MTHFD2L: variants seen among roughly 807,000 people sequenced by gnomAD.
MTHFD2L encodes bifunctional methylenetetrahydrofolate dehydrogenase/cyclohydrolase 2, mitochondrial.
In MTHFD2L, 29 loss-of-function variants were observed where a neutral mutation model predicts 34.9. The observed-to-expected ratio is 0.83, with a 90% CI of 0.62 to 1.13. The LOEUF (loss-of-function observed/expected upper bound fraction) is 1.13. Ranked by LOEUF, MTHFD2L falls within the 50% of genes most tolerant of loss-of-function variation. The pLI is 0.00. For synonymous variants in MTHFD2L, 167 were observed against 155.7 expected, an observed-to-expected ratio of 1.07 and a Z score of -0.54; for missense variants, 481 against 446.5, an observed-to-expected ratio of 1.08 and a Z score of -0.70.
chr4:74,174,396 T>A, intron 1 of MTHFD2L, 110 bp from the exon 2 acceptor site: 4 of 822,366 alleles, frequency 4.9e-6, no homozygotes. Context: ...AAAAATCAAA[T>A]TTTGGGTGCT....
At chr4:74,181,973 A>G (rs2109986273) in intron 3 of MTHFD2L, among the ~76,000 whole-genome samples, 2 of 152,318 alleles carry the variant, frequency 1.3e-5, no homozygotes, top group South Asian at 4.1e-4. Context: ...ATGAGAAATT[A>G]TCAAATTTAT....
In MTHFD2L at chr4:74,197,181, G is replaced by A. The variant is rs1024997188; in HGVS notation, c.452-2613G>A. ...CATTTGGGTAAGATATTAAATGGTTGGTTGTTTACCAATGTATCCTGTGAA... is the reference window on the plus strand; with the variant it reads ...CATTTGGGTAAGATATTAAATGGTTAGTTGTTTACCAATGTATCCTGTGAA... On this transcript the variant is annotated intron_variant, in intron 3 of 7. Coordinates refer to ENST00000325278, the MANE Select transcript of MTHFD2L (RefSeq NM_001144978.3). Among the ~76,000 whole-genome samples the A allele has an allele frequency of 3.3e-5, 5 of 152,046 alleles. No individual in the cohort carries two copies. The East Asian group carries it at 9.6e-4, about 29-fold the overall frequency.
intron 6 of MTHFD2L, among the ~76,000 whole-genome samples, chr4:74,245,927 G>A (rs950323771): frequency 3.3e-4 from 50 of 149,686 alleles, no homozygotes; most frequent in Non-Finnish European, 5.8e-4. Flanking sequence ...GAATAGTGCC[G>A]CAATAAACAT....
Position 74,301,703 on chromosome 4 carries a change from A to G in MTHFD2L, c.938A>G (p.Lys313Arg). 1 of 1,574,630 alleles carries G rather than the reference A, an allele frequency of 6.4e-7. No homozygotes were observed. Among genetic ancestry groups the G allele is most frequent in the Non-Finnish European group, 8.6e-7 (1 of 1,164,484 alleles). ...TGTTTTTTTTCCTCATCAGCTGTTA[A>G]AAAGAAAGCTGGCTTTATCACTCCA... ...LVGDVDFEAV[K>R]KKAGFITPVP... The change falls in exon 8 of 8, where the codon AAA (lysine) becomes AGA (arginine). Residue 313 changes from lysine (K) to arginine (R), a missense_variant. Lys to Arg is a conservative substitution (Grantham distance 26). Coordinates refer to ENST00000325278, the MANE Select transcript of MTHFD2L (RefSeq NM_001144978.3).
chr4:74,287,112 C>CA (rs1748279149), intron 7 of MTHFD2L, among the ~76,000 whole-genome samples: 1 of 152,092 alleles, frequency 6.6e-6, no homozygotes, highest in African/African-American at 2.4e-5. Context: ...GTTTAAATTA[C>CA]AAAAAATAAA....
intron 1 of MTHFD2L, among the ~76,000 whole-genome samples, chr4:74,158,597 T>TG (rs1724706336): frequency 6.6e-6 from 1 of 152,220 alleles, no homozygotes; most frequent in Non-Finnish European, 1.5e-5. Context: ...GTGGTCGGCT[T>TG]GGTCAAACAT....
At chr4:74,267,131 T>G in intron 6 of MTHFD2L, 1 of 985,244 alleles carries the variant, frequency 1.0e-6, no homozygotes, top group Non-Finnish European at 1.2e-6. Context: ...CTAAAATGTT[T>G]GAAACCCATT....
chr4:74,134,813 T>C (rs1477143732), intron 1 of MTHFD2L, among the ~76,000 whole-genome samples: 1 of 152,024 alleles, frequency 6.6e-6, no homozygotes, highest in African/African-American at 2.4e-5. Context: ...AGAACTACAT[T>C]TGCTGAACTA....
intron 1 of MTHFD2L, among the ~76,000 whole-genome samples, chr4:74,170,237 A>G (rs1560439452): frequency 1.3e-5 from 2 of 152,236 alleles, no homozygotes; most frequent in Admixed American, 6.5e-5. Context: ...ACAAAATTTC[A>G]GATGAAATCC....
intron 5 of MTHFD2L, among the ~76,000 whole-genome samples, chr4:74,208,193 C>A (rs900318355): frequency 1.3e-5 from 2 of 152,172 alleles, no homozygotes; most frequent in South Asian, 4.1e-4. Context: ...TACTGAATTA[C>A]ATATTTGAAT....
intron 6 of MTHFD2L, among the ~76,000 whole-genome samples, chr4:74,259,984 G>A (rs1270966198): frequency 1.3e-5 from 2 of 152,158 alleles, no homozygotes; most frequent in African/African-American, 2.4e-5. Context: ...AAGCCACCTA[G>A]AGGAGTATGA....
At chr4:74,301,309 G>T (rs1196948749) in intron 7 of MTHFD2L, among the ~76,000 whole-genome samples, 1 of 152,014 alleles carries the variant, frequency 6.6e-6, no homozygotes, top group Non-Finnish European at 1.5e-5. Flanking sequence ...TAAATGGTAT[G>T]TGCTCAACTT....
chr4:74,141,851 T>C (rs1422490952), intron 1 of MTHFD2L, among the ~76,000 whole-genome samples: 2 of 152,212 alleles, frequency 1.3e-5, no homozygotes, highest in African/African-American at 4.8e-5. Context: ...AGTTGTTTTA[T>C]GGGATTATCC....
At chr4:74,247,183 G>A (rs1742598361) in intron 6 of MTHFD2L, among the ~76,000 whole-genome samples, 1 of 151,646 alleles carries the variant, frequency 6.6e-6, no homozygotes, top group Admixed American at 6.6e-5. Context: ...TCTCCTTGAA[G>A]GGGTCCTTCA....
intron 3 of MTHFD2L, among the ~76,000 whole-genome samples, chr4:74,187,236 T>C (rs1477295460): frequency 2.0e-5 from 3 of 152,126 alleles, no homozygotes; most frequent in Admixed American, 6.6e-5. Context: ...CTTGAAGTTA[T>C]GCCAGTAGAA....
intron 1 of MTHFD2L, among the ~76,000 whole-genome samples, chr4:74,164,308 G>T (rs370059704): frequency 3.9e-5 from 6 of 152,256 alleles, no homozygotes; most frequent in African/African-American, 1.4e-4. Flanking sequence ...TCTTGACTAG[G>T]TTTTATTTGT....
At chr4:74,194,338 C>T (rs1341486735) in intron 3 of MTHFD2L, 1 of 152,190 alleles carries the variant, frequency 6.6e-6, no homozygotes, top group Non-Finnish European at 1.5e-5. Flanking sequence ...CAAATTCTAG[C>T]TGTCCTGTGG....
chr4:74,240,368 A>C (rs1741522645), intron 6 of MTHFD2L, among the ~76,000 whole-genome samples: 1 of 152,182 alleles, frequency 6.6e-6, no homozygotes, highest in African/African-American at 2.4e-5. Context: ...AAAGAATCAT[A>C]TTGAGGCTTA....
chr4:74,154,239 T>C (rs756658421), upstream of MTHFD2L, among the ~76,000 whole-genome samples: 1 of 152,140 alleles, frequency 6.6e-6, no homozygotes, highest in Non-Finnish European at 1.5e-5. Context: ...GTATGATATA[T>C]TGGTGTTGAT....
Sources: gnomAD v4.1 joint callset for allele counts (sites outside exome capture counted in the v4.1 genomes callset) on GRCh38, gnomAD v4.1.1 for gene constraint, MANE v1.5 for transcripts, NCBI Gene and HGNC (gene_info 2026-07-23, HGNC 2026-07-21) for gene names.